The following DNAH5 variants were observed in gnomAD, a reference collection of about 807,000 sequenced individuals.
DNAH5 encodes the protein axonemal beta dynein heavy chain 5.
DNAH5 carries 372 observed loss-of-function variants against 518.2 expected under a neutral mutation model. The observed-to-expected ratio is 0.72, with a 90% confidence interval of 0.66 to 0.78. The LOEUF is 0.78. DNAH5 is among the 30% of genes least tolerant of loss of function. DNAH5 has a pLI of 0.00. For missense variants in DNAH5, 5,523 were observed against 5,687.0 expected, an observed-to-expected ratio of 0.97 and a Z score of 0.93; for synonymous variants, 2,039 against 2,025.9, an observed-to-expected ratio of 1.01 and a Z score of -0.17.
At chr5:13,810,451 A>G in intron 44 of DNAH5, 191 bp from the exon 45 acceptor site, 3 of 654,038 alleles carry the variant, frequency 4.6e-6, no homozygotes, top group Non-Finnish European at 8.1e-6. Context: ...TTTAAACATA[A>G]TAGGGTTGGC....
intron 1 of DNAH5, among the ~76,000 whole-genome samples, chr5:13,965,870 TCCATGG>T (rs1378376608): frequency 6.6e-6 from 1 of 152,190 alleles, no homozygotes; most frequent in African/African-American, 2.4e-5. Context: ...ATACCAAGGT[TCCATGG>T]ACACCAACAG....
At chr5:13,959,105 C>T (rs1780972278) in intron 1 of DNAH5, among the ~76,000 whole-genome samples, 1 of 152,176 alleles carries the variant, frequency 6.6e-6, no homozygotes, top group Non-Finnish European at 1.5e-5. Context: ...TGCCACCACG[C>T]CCAGCTAATG....
chr5:13,799,702 T>C (rs1404463682), intron 47 of DNAH5, among the ~76,000 whole-genome samples: 1 of 152,318 alleles, frequency 6.6e-6, no homozygotes, highest in South Asian at 2.1e-4. Flanking sequence ...ATGCCTTCTC[T>C]GAAATGCTTG....
chr5:13,819,341 G>A (rs1761926660), intron 41 of DNAH5, among the ~76,000 whole-genome samples: 1 of 152,136 alleles, frequency 6.6e-6, no homozygotes, highest in South Asian at 2.1e-4. Flanking sequence ...TCAGTCTGAG[G>A]ACTGCCTGGT....
intron 60 of DNAH5, among the ~76,000 whole-genome samples, chr5:13,762,358 T>TA (rs1751901179): frequency 6.7e-6 from 1 of 149,430 alleles, no homozygotes; most frequent in Non-Finnish European, 1.5e-5. Flanking sequence ...ATTCTCTGGA[T>TA]AAAGATCTGA....
At chr5:13,734,917 T>C (rs1747147976) in intron 68 of DNAH5, among the ~76,000 whole-genome samples, 1 of 152,204 alleles carries the variant, frequency 6.6e-6, no homozygotes, top group African/African-American at 2.4e-5. Context: ...TTTTGTTCAC[T>C]GACATGCCCC....
chr5:13,999,194 T>C (rs1784173212), intron 1 of DNAH5, among the ~76,000 whole-genome samples: 1 of 152,244 alleles, frequency 6.6e-6, no homozygotes, highest in Admixed American at 6.5e-5. Flanking sequence ...CTTTTTAAAA[T>C]TTTATTTTAC....
Position 13,811,838 on chromosome 5 carries a change from A to G in DNAH5, c.7231-15T>C. On this transcript the variant is annotated splice_polypyrimidine_tract_variant and intron_variant, in intron 43 of 78. Transcript: ENST00000265104. ...TTAAGAAAACCCTGTCAGTTCACAG[A>G]CAAGTGTATTCATGAAACTTATTAG... The G allele has an allele frequency of 1.2e-6, 2 of 1,613,952 alleles. No individual in the cohort carries two copies. Among genetic ancestry groups the G allele is most frequent in the Non-Finnish European group, 1.7e-6 (2 of 1,179,938 alleles).
chr5:13,718,923 G>T lies in DNAH5; in HGVS notation c.12458C>A (p.Pro4153His), dbSNP rs776662130. 1 of 1,614,108 alleles carries T rather than the reference G, an allele frequency of 6.2e-7. No individual in the cohort carries two copies. The highest frequency in any genetic ancestry group is 8.5e-7 in the Non-Finnish European group (1 of 1,179,990). Residue 4153 changes from proline (P) to histidine (H), a missense_variant, in exon 72 of 79, where the codon CCT becomes CAT. Physicochemically the swap from Pro to His is moderately conservative, Grantham distance 77 (BLOSUM62 -2). Coordinates refer to ENST00000265104, the MANE Select transcript of DNAH5 (RefSeq NM_001369.3). Reference protein sequence around the residue: ...LQMSIKFANDPPQGLRAGLKR... With the variant: ...LQMSIKFANDHPQGLRAGLKR... ...CAGTCCTGCCCGGAGTCCTTGTGGA[G>T]GATCGTTGGCAAATTTAATGGACAT...
At chr5:13,951,089 T>C (rs1048595806) in intron 1 of DNAH5, among the ~76,000 whole-genome samples, 7 of 152,098 alleles carry the variant, frequency 4.6e-5, no homozygotes, top group African/African-American at 1.7e-4. Context: ...TACCTTTTAA[T>C]TGATATTTTT....
intron 53 of DNAH5, among the ~76,000 whole-genome samples, chr5:13,777,882 A>G (rs1754339712): frequency 6.6e-6 from 1 of 152,184 alleles, no homozygotes; most frequent in Admixed American, 6.6e-5. Context: ...CAATCAGTAC[A>G]CTGTACTAGA....
intron 31 of DNAH5, among the ~76,000 whole-genome samples, chr5:13,847,557 T>TA (rs1183038772): frequency 2.2e-4 from 15 of 67,780 alleles, no homozygotes; most frequent in Admixed American, 3.7e-4. Context: ...TCGTCTCTAC[T>TA]AAAAAAAATG....
At chr5:13,713,450 TATATATATATATATATAC>T (rs1339846154) in intron 75 of DNAH5, among the ~76,000 whole-genome samples, 4 of 130,808 alleles carry the variant, frequency 3.1e-5, no homozygotes, top group African/African-American at 1.3e-4. Context: ...TATATATATA[TATATATATATATATATAC>T]ACACACCGAT....
chr5:13,892,491 A>G (rs1773396189), intron 16 of DNAH5, among the ~76,000 whole-genome samples: 1 of 152,230 alleles, frequency 6.6e-6, no homozygotes, highest in African/African-American at 2.4e-5. Context: ...ATCCAGCTGC[A>G]CTTGAGATTT....
chr5:13,913,689 T>C (rs1776294971), intron 11 of DNAH5, 54 bp downstream of exon 11: 2 of 1,595,712 alleles, frequency 1.3e-6, no homozygotes, highest in Admixed American at 1.7e-5. Flanking sequence ...TTGCATAAAA[T>C]ATTGAAGTTT....
Position 13,817,567 on chromosome 5 carries a change from T to C in DNAH5, c.6969A>G (p.Lys2323=), listed in dbSNP as rs1223474222. The change falls in exon 42 of 79, where the codon AAA becomes AAG. Residue 2323 remains lysine (K), a synonymous_variant. Transcript: ENST00000265104. Reference sequence around the variant, plus strand: ...TTCTACCTTTCTTTGCTCTTAATGTTTTCCTCCAAAGCGTAGAAAATATCC... The same window carrying C: ...TTCTACCTTTCTTTGCTCTTAATGTCTTCCTCCAAAGCGTAGAAAATATCC... ...TDGIFSTLWR[K]TLRAKKGEHI... 2 of 1,614,084 alleles carry C rather than the reference T, an allele frequency of 1.2e-6. No homozygotes were observed. Among genetic ancestry groups the C allele is most frequent in the Non-Finnish European group, 1.7e-6 (2 of 1,180,028 alleles).
chr5:13,966,254 C>T (rs1195378962), intron 1 of DNAH5, among the ~76,000 whole-genome samples: 3 of 152,028 alleles, frequency 2.0e-5, no homozygotes, highest in Non-Finnish European at 4.4e-5. Context: ...TCTTTATCCA[C>T]TCGTCAATTG....
intron 16 of DNAH5, among the ~76,000 whole-genome samples, chr5:13,892,246 C>G (rs992452679): frequency 1.1e-4 from 16 of 152,150 alleles, no homozygotes; most frequent in Non-Finnish European, 2.2e-4. Flanking sequence ...CGCTTTCTAA[C>G]GGACTGCTTC....
intron 3 of DNAH5, among the ~76,000 whole-genome samples, chr5:13,925,413 A>T (rs1777764590): frequency 6.6e-6 from 1 of 152,198 alleles, no homozygotes; most frequent in Non-Finnish European, 1.5e-5. Context: ...CAGTTATGCT[A>T]AGTATTAGTC....
Sources: gnomAD v4.1 joint callset for allele counts (sites outside exome capture counted in the v4.1 genomes callset) on GRCh38, gnomAD v4.1.1 for gene constraint, MANE v1.5 for transcripts, NCBI Gene and HGNC (gene_info 2026-07-23, HGNC 2026-07-21) for gene names.